Variants in CLSTN2 observed in about 807,000 individuals in gnomAD.
The protein encoded by CLSTN2 is calsyntenin-2.
A neutral mutation model predicts 101.2 loss-of-function variants in CLSTN2; 48 were observed. The observed-to-expected ratio is 0.47, with a 90% CI of 0.38 to 0.60. The LOEUF (loss-of-function observed/expected upper bound fraction) is 0.60, where lower values mean the gene tolerates loss of function less well. CLSTN2 is among the 20% of genes least tolerant of loss of function. The pLI is 0.00. For synonymous variants in CLSTN2, 481 were observed against 463.6 expected, an observed-to-expected ratio of 1.04 and a Z score of -0.48; for missense variants, 1,160 against 1,238.2, an observed-to-expected ratio of 0.94 and a Z score of 0.95.
intron 2 of CLSTN2, among the ~76,000 whole-genome samples, chr3:140,201,758 G>A (rs943392403): frequency 1.3e-5 from 2 of 151,882 alleles, no homozygotes; most frequent in East Asian, 1.9e-4. Flanking sequence ...AGTGGAACAC[G>A]GACAATAAAT....
intron 8 of CLSTN2, among the ~76,000 whole-genome samples, chr3:140,531,977 T>A (rs779649483): frequency 6.6e-6 from 1 of 152,042 alleles, no homozygotes; most frequent in Non-Finnish European, 1.5e-5. Flanking sequence ...AGTCTTGGGT[T>A]TAAAAGGTTG....
intron 8 of CLSTN2, among the ~76,000 whole-genome samples, chr3:140,520,524 G>A (rs1235700379): frequency 6.6e-6 from 1 of 152,164 alleles, no homozygotes; most frequent in Non-Finnish European, 1.5e-5. Flanking sequence ...TAGCATGGGG[G>A]AAACAGCCCC....
intron 1 of CLSTN2, among the ~76,000 whole-genome samples, chr3:140,045,413 CTTTTCTT>C (rs2007855520): frequency 6.6e-6 from 1 of 152,086 alleles, no homozygotes; most frequent in African/African-American, 2.4e-5. Context: ...ATTCTTCTCT[CTTTTCTT>C]TTTTATTAGT....
At chr3:140,381,333 A>G (rs1201317451) in intron 2 of CLSTN2, among the ~76,000 whole-genome samples, 1 of 152,184 alleles carries the variant, frequency 6.6e-6, no homozygotes, top group Non-Finnish European at 1.5e-5. Context: ...CCTATACCAG[A>G]TAAGGTCACA....
intron 1 of CLSTN2, among the ~76,000 whole-genome samples, chr3:140,122,419 T>C (rs12107533): frequency 0.13 from 19,158 of 152,184 alleles, 1,704 homozygotes; most frequent in African/African-American, 0.26. Context: ...GGAGTGGTGA[T>C]AACCACTAAT....
intron 2 of CLSTN2, among the ~76,000 whole-genome samples, chr3:140,217,835 G>A (rs1471756853): frequency 6.6e-6 from 1 of 152,226 alleles, no homozygotes; most frequent in Non-Finnish European, 1.5e-5. Context: ...GAGGAAGCAT[G>A]GAAGTTATGA....
At chr3:140,304,497 T>C (rs1431949211) in intron 2 of CLSTN2, among the ~76,000 whole-genome samples, 3 of 152,184 alleles carry the variant, frequency 2.0e-5, no homozygotes, top group African/African-American at 7.2e-5. Flanking sequence ...CTGATCTATC[T>C]TCCTCCTCTT....
intron 2 of CLSTN2, among the ~76,000 whole-genome samples, chr3:140,234,591 T>C (rs1263877912): frequency 6.6e-6 from 1 of 152,206 alleles, no homozygotes; most frequent in Non-Finnish European, 1.5e-5. Flanking sequence ...TGTGGTCTTA[T>C]TTGCCTGTGT....
intron 2 of CLSTN2, among the ~76,000 whole-genome samples, chr3:140,340,995 C>T (rs539898875): frequency 1.3e-4 from 20 of 152,310 alleles, no homozygotes; most frequent in African/African-American, 4.8e-4. Context: ...ATTTTCATCA[C>T]ATTATATCAA....
chr3:140,316,273 A>G (rs987242570), intron 2 of CLSTN2, among the ~76,000 whole-genome samples: 1 of 152,236 alleles, frequency 6.6e-6, no homozygotes, highest in African/African-American at 2.4e-5. Context: ...CATGAGAGGT[A>G]GAAACTCCTA....
At chr3:140,293,386 C>T (rs540226773) in intron 2 of CLSTN2, among the ~76,000 whole-genome samples, 5 of 152,258 alleles carry the variant, frequency 3.3e-5, no homozygotes, top group Admixed American at 6.5e-5. Flanking sequence ...ATCTTCACAG[C>T]TACAGAGCTC....
At chr3:140,171,831 A>ATGTATTAT (rs2107826344) in intron 1 of CLSTN2, among the ~76,000 whole-genome samples, 1 of 74,616 alleles carries the variant, frequency 1.3e-5, no homozygotes, top group Non-Finnish European at 2.8e-5. Context: ...TATATATAAT[A>ATGTATTAT]ACAATATATA....
chr3:140,521,260 C>A (rs938577789), intron 8 of CLSTN2, among the ~76,000 whole-genome samples: 3 of 152,182 alleles, frequency 2.0e-5, no homozygotes. Context: ...TCGTTCTCAT[C>A]TTTGTGGGCT....
intron 1 of CLSTN2, among the ~76,000 whole-genome samples, chr3:139,974,428 G>T (rs1396290743): frequency 6.6e-6 from 1 of 152,162 alleles, no homozygotes; most frequent in Non-Finnish European, 1.5e-5. Context: ...TCCTGCTCCA[G>T]GGGAGTGATA....
At chr3:139,995,240 C>A (rs995876050) in intron 1 of CLSTN2, among the ~76,000 whole-genome samples, 1 of 152,168 alleles carries the variant, frequency 6.6e-6, no homozygotes. Flanking sequence ...CTCAGGGACC[C>A]CAAATGACCC....
intron 2 of CLSTN2, among the ~76,000 whole-genome samples, chr3:140,306,243 A>G (rs1236404303): frequency 6.6e-6 from 1 of 152,202 alleles, no homozygotes; most frequent in South Asian, 2.1e-4. Flanking sequence ...CTGTGCACAC[A>G]GGGCACTCAT....
intron 2 of CLSTN2, among the ~76,000 whole-genome samples, chr3:140,234,245 G>C (rs2086396457): frequency 6.6e-6 from 1 of 152,158 alleles, no homozygotes; most frequent in Non-Finnish European, 1.5e-5. Flanking sequence ...TGTTCATTAA[G>C]GAAAAGATCT....
At chr3:140,105,580 G>A (rs896854433) in intron 1 of CLSTN2, among the ~76,000 whole-genome samples, 7 of 152,184 alleles carry the variant, frequency 4.6e-5, no homozygotes, top group South Asian at 2.1e-4. Flanking sequence ...CATTCACTGG[G>A]AAAATATTTA....
At chr3:140,291,186 A>T (rs189770931) in intron 2 of CLSTN2, among the ~76,000 whole-genome samples, 1 of 152,160 alleles carries the variant, frequency 6.6e-6, no homozygotes, top group East Asian at 1.9e-4. Flanking sequence ...CATGTAAAAC[A>T]TATAGAAAGA....
Sources: allele counts gnomAD v4.1 joint callset (sites outside exome capture counted in the v4.1 genomes callset), GRCh38; gene constraint gnomAD v4.1.1; transcripts MANE v1.5; gene names NCBI Gene and HGNC (gene_info 2026-07-23, HGNC 2026-07-21).